ABCA1: variants seen among roughly 807,000 people sequenced by gnomAD.
The protein encoded by ABCA1 is ATP binding cassette subfamily A member 1, also known as phospholipid-transporting ATPase ABCA1.
In ABCA1, 133 loss-of-function variants were observed where a neutral mutation model predicts 262.5. The observed-to-expected ratio is 0.51, with a 90% CI of 0.44 to 0.59. ABCA1 has a LOEUF of 0.59. Among genes scored for constraint, ABCA1 ranks in the 20% least tolerant of loss-of-function variants. The probability of loss-of-function intolerance (pLI) is 0.00; values close to 1 mark genes in which losing one functional copy is unlikely to be tolerated. For missense variants in ABCA1, 2,452 were observed against 2,777.5 expected (o/e 0.88, Z 2.63); for synonymous variants, 1,022 against 1,043.5 (o/e 0.98, Z 0.40).
intron 1 of ABCA1, among the ~76,000 whole-genome samples, chr9:104,910,346 C>T (rs1254248253): frequency 6.6e-6 from 1 of 152,230 alleles, no homozygotes; most frequent in Non-Finnish European, 1.5e-5. Flanking sequence ...TCCCCCAAAG[C>T]AAGTGACTTG....
rs60348262 is a variant in ABCA1, at chr9:104,807,845, T to TACACACAC, written c.4275-1423_4275-1416dup. Among the ~76,000 whole-genome samples the TACACACAC allele has an allele frequency of 5.7e-3, 276 of 48,368 alleles. 1 individual carries two copies. Among genetic ancestry groups the TACACACAC allele is most frequent in the African/African-American group, 0.012 (267 of 21,888 alleles). 31.7% of individuals were successfully genotyped at this position (48,368 alleles called of 152,430 possible). Reference sequence around the variant, plus strand: ...AATAAATAAATAAAATATATATATATACACACACACACACACACACACACA... The same window carrying TACACACAC: ...AATAAATAAATAAAATATATATATATACACACACACACACACACACACACACACACACA... On this transcript the variant is annotated intron_variant, in intron 30 of 49. Transcript: ENST00000374736.
Position 104,862,684 on chromosome 9 carries a change from C to CGGGCAGGGCAGGGCAGGGCA in ABCA1, c.422-885_422-884insTGCCCTGCCCTGCCCTGCCC, listed in dbSNP as rs1298786032. ...CGGGCCGGGCCGGGCCGGGCCGGGC[C>CGGGCAGGGCAGGGCAGGGCA]GGGCCGGGCCGGGCCGGCCCCCACC... On this transcript the variant is annotated intron_variant, in intron 5 of 49. Coordinates refer to ENST00000374736, the MANE Select transcript of ABCA1 (RefSeq NM_005502.4). Among the ~76,000 whole-genome samples, 42 of 8,852 alleles carry CGGGCAGGGCAGGGCAGGGCA rather than the reference C, an allele frequency of 4.7e-3. 16 individuals are homozygous for CGGGCAGGGCAGGGCAGGGCA. Among genetic ancestry groups the CGGGCAGGGCAGGGCAGGGCA allele is most frequent in the African/African-American group, 0.018 (39 of 2,148 alleles). 5.8% of individuals were successfully genotyped at this position (8,852 alleles called of 152,430 possible).
At chr9:104,849,672 G>A (rs796308922) in intron 7 of ABCA1, among the ~76,000 whole-genome samples, 11 of 152,156 alleles carry the variant, frequency 7.2e-5, no homozygotes, top group African/African-American at 2.7e-4. Context: ...TTTAAAGCTT[G>A]GATTATCCAG....
chr9:104,894,359 G>C (rs1397116535), intron 2 of ABCA1, among the ~76,000 whole-genome samples: 1 of 151,982 alleles, frequency 6.6e-6, no homozygotes, highest in Admixed American at 6.6e-5. Flanking sequence ...TGACAGCAAA[G>C]GGCAAACAAA....
chr9:104,825,764 G>C lies in ABCA1; in HGVS notation c.2461C>G (p.Leu821Val). Residue 821 changes from leucine (L) to valine (V), a missense_variant, in exon 17 of 50, where the codon CTC becomes GTC. Physicochemically the swap from Leu to Val is conservative, Grantham distance 32 (BLOSUM62 1). Around this residue, in one of 4 missense-constraint regions of ABCA1, gnomAD observed 1,032 missense variants for 1,089.7 expected, o/e 0.95. Transcript: ENST00000374736. ...ESPVEEDGFNLTTSVSMMLFD... is the reference protein window; with the variant it reads ...ESPVEEDGFNVTTSVSMMLFD... The stretch of plus-strand genomic sequence containing the variant: ...AGCATCATGGAGACCGAAGTGGTGA[G>C]ATTGAAGCCATCTTCCTCCACAGGA... 1.9e-6 allele frequency: 3 copies of C among 1,614,220 alleles called. No homozygotes were observed. Among genetic ancestry groups the C allele is most frequent in the Non-Finnish European group, 2.5e-6 (3 of 1,180,036 alleles).
intron 13 of ABCA1, 35 bp from the exon 14 acceptor site, chr9:104,831,136 T>C (rs746244684): frequency 5.2e-6 from 8 of 1,534,678 alleles, no homozygotes; most frequent in Non-Finnish European, 7.0e-6. Flanking sequence ...ACCATTCCTT[T>C]AGAACCATAC....
At chr9:104,865,515 C>CAAAAAAAAA (rs925876847) in intron 5 of ABCA1, among the ~76,000 whole-genome samples, 56 of 66,980 alleles carry the variant, frequency 8.4e-4, no homozygotes, top group African/African-American at 2.2e-3. Context: ...GACTCTGTCT[C>CAAAAAAAAA]AAAAAAAAAA....
chr9:104,922,209 C>A (rs996213569), intron 1 of ABCA1, among the ~76,000 whole-genome samples: 1 of 152,144 alleles, frequency 6.6e-6, no homozygotes, highest in African/African-American at 2.4e-5. Flanking sequence ...AAGGCCCCAC[C>A]GGAAATCAAT....
At position 104,785,572 on chromosome 9, in the gene ABCA1, C is replaced by T. The variant is rs529867682; in HGVS notation, c.6469G>A (p.Asp2157Asn). ...GSNPDLKPVQ[D>N]FFGLAFPGSV... ...CCAGGAAATGCAAGTCCAAAGAAAT[C>T]CTGGACAGGCTTCAGGTCCGGGTTG... The change falls in exon 49 of 50, where the codon GAT (aspartate) becomes AAT (asparagine). Residue 2157 changes from aspartate to asparagine, a missense_variant. By Grantham distance (23) the Asp-to-Asn change is conservative. Around this residue, in one of 4 missense-constraint regions of ABCA1, gnomAD observed 752 missense variants for 944.5 expected, o/e 0.80. Coordinates refer to ENST00000374736, the MANE Select transcript of ABCA1 (RefSeq NM_005502.4). The T allele has an allele frequency of 1.4e-5, 22 of 1,612,584 alleles. No individual in the cohort carries two copies. In the South Asian group the frequency reaches 2.4e-4, roughly 18 times the overall value.
chr9:104,861,799 G>A lies in ABCA1; in HGVS notation c.423C>T (p.Asn141=), dbSNP rs1481675439. 2.5e-6 allele frequency: 4 copies of A among 1,611,136 alleles called. No homozygotes were observed. Among genetic ancestry groups the A allele is most frequent in the Admixed American group, 3.3e-5 (2 of 59,828 alleles). The stretch of plus-strand genomic sequence containing the variant: ...CCACCAGGAAATCTTGAAGCTTCAA[G>A]TCTATTGAGAAATAGTGTTTTATTT... ...TLQQIKKSSS[N]LKLQDFLVDN... Residue 141 remains asparagine, a splice_region_variant and synonymous_variant, in exon 6 of 50, where the codon AAC becomes AAT. Transcript: ENST00000374736.
intron 5 of ABCA1, among the ~76,000 whole-genome samples, chr9:104,867,314 A>T (rs1424057343): frequency 1.3e-5 from 2 of 152,202 alleles, no homozygotes; most frequent in Non-Finnish European, 2.9e-5. Context: ...CTAGGTGTTA[A>T]ATGAGCAAAT....
chr9:104,854,709 C>T (rs753633054), intron 7 of ABCA1, among the ~76,000 whole-genome samples: 9 of 152,142 alleles, frequency 5.9e-5, no homozygotes, highest in South Asian at 2.1e-4. Context: ...AAAAGAAGCC[C>T]CTGCCAGGTG....
chr9:104,806,167 T>C (rs2118911897), intron 31 of ABCA1, 74 bp downstream of exon 31: 3 of 1,464,666 alleles, frequency 2.0e-6, no homozygotes, highest in Non-Finnish European at 1.9e-6. Flanking sequence ...ATCTCACTCA[T>C]TCCTGCTTCC....
chr9:104,795,316 G>A (rs1290143060), intron 39 of ABCA1, among the ~76,000 whole-genome samples: 2 of 152,180 alleles, frequency 1.3e-5, no homozygotes, highest in African/African-American at 4.8e-5. Flanking sequence ...TGGACAGGAA[G>A]AGTTGTGCAA....
At position 104,845,581 on chromosome 9, in the gene ABCA1, A is replaced by G. The variant is rs753353133; in HGVS notation, c.721-12T>C. The stretch of plus-strand genomic sequence containing the variant: ...GAGTTTAGTGTTCTCTGTAATGAGA[A>G]AGAAAACTTTGTTTCTGAATTCAAA... On this transcript the variant is annotated splice_polypyrimidine_tract_variant and intron_variant, in intron 7 of 49. Coordinates refer to ENST00000374736, the MANE Select transcript of ABCA1 (RefSeq NM_005502.4). The G allele has an allele frequency of 6.3e-7, 1 of 1,587,416 alleles. No homozygotes were observed. Among genetic ancestry groups the G allele is most frequent in the Non-Finnish European group, 8.6e-7 (1 of 1,156,088 alleles).
chr9:104,781,468 C>T lies in ABCA1; in HGVS notation c.*2847G>A, dbSNP rs963855787. On this transcript the variant is annotated 3_prime_UTR_variant, in exon 50 of 50. Coordinates refer to ENST00000374736, the MANE Select transcript of ABCA1 (RefSeq NM_005502.4). ...ATCAAAGTGGTTCAGTATTACATGA[C>T]ACATGGCTCTTTGGAAAATATTTTA... 1.3e-5 allele frequency: 2 copies of T among 152,572 alleles called. No individual in the cohort carries two copies. Among genetic ancestry groups the T allele is most frequent in the African/African-American group, 2.4e-5 (1 of 41,438 alleles). 9.5% of individuals were successfully genotyped at this position (152,572 alleles called of 1,614,324 possible).
At chr9:104,881,836 G>T (rs1051489578) in intron 5 of ABCA1, among the ~76,000 whole-genome samples, 2 of 151,878 alleles carry the variant, frequency 1.3e-5, no homozygotes, top group Non-Finnish European at 2.9e-5. Flanking sequence ...CAAGGAAACA[G>T]CATCTCGATG....
rs769145294 is a variant in ABCA1, at chr9:104,829,104, A to T, written c.1927T>A (p.Phe643Ile). ...GAGTAAATCCAGGCCAGCGTCATGAAGAGGGGCATTGACCGGCTCATCACC... is the reference window on the plus strand; with the variant it reads ...GAGTAAATCCAGGCCAGCGTCATGATGAGGGGCATTGACCGGCTCATCACC... ...LRVMSRSMPL[F>I]MTLAWIYSVA... The change falls in exon 15 of 50, where the codon TTC (phenylalanine) becomes ATC (isoleucine). Residue 643 changes from phenylalanine to isoleucine, a missense_variant. Coordinates refer to ENST00000374736, the MANE Select transcript of ABCA1 (RefSeq NM_005502.4). 2.5e-6 allele frequency: 4 copies of T among 1,614,216 alleles called. No individual in the cohort carries two copies. Among genetic ancestry groups the T allele is most frequent in the Non-Finnish European group, 3.4e-6 (4 of 1,180,044 alleles).
chr9:104,895,035 T>G (rs1169871110), intron 2 of ABCA1, among the ~76,000 whole-genome samples: 1 of 152,168 alleles, frequency 6.6e-6, no homozygotes, highest in East Asian at 1.9e-4. Flanking sequence ...TTTCTCCTCC[T>G]TCTCTAAGCT....
Sources: allele counts gnomAD v4.1 joint callset (sites outside exome capture counted in the v4.1 genomes callset), GRCh38; gene constraint gnomAD v4.1.1; regional missense constraint gnomAD v4.1.1; transcripts MANE v1.5; gene names NCBI Gene and HGNC (gene_info 2026-07-23, HGNC 2026-07-21).